KCNJ6: variants seen among roughly 807,000 people sequenced by gnomAD.
KCNJ6 encodes the protein potassium inwardly rectifying channel subfamily J member 6, also known as G protein-activated inward rectifier potassium channel 2.
KCNJ6 carries 9 observed loss-of-function variants against 34.2 expected under a neutral mutation model. That is an observed-to-expected ratio of 0.26 (90% confidence interval 0.16 to 0.46). KCNJ6 has a LOEUF of 0.46. KCNJ6 is among the 20% of genes least tolerant of loss of function. The pLI is 1.00. For missense variants in KCNJ6, 236 were observed against 531.3 expected (o/e 0.44, Z 5.46); for synonymous variants, 196 against 207.1 (o/e 0.95, Z 0.46).
chr21:37,753,254 C>T (rs1029149566), intron 2 of KCNJ6, among the ~76,000 whole-genome samples: 10 of 152,122 alleles, frequency 6.6e-5, no homozygotes, highest in Non-Finnish European at 1.3e-4. Flanking sequence ...TCAAACAACC[C>T]GAGTGAGTGG....
intron 1 of KCNJ6, among the ~76,000 whole-genome samples, chr21:37,841,408 CTT>C (rs1398297361): frequency 1.3e-5 from 2 of 152,138 alleles, no homozygotes; most frequent in Non-Finnish European, 2.9e-5. Context: ...GGTTTAATTT[CTT>C]TGTGTTCCTA....
At chr21:37,744,506 TTGGGAGGAGGA>T (rs2054957362) in intron 2 of KCNJ6, among the ~76,000 whole-genome samples, 1 of 152,118 alleles carries the variant, frequency 6.6e-6, no homozygotes, top group African/African-American at 2.4e-5. Flanking sequence ...CCATGTCCTC[TTGGGAGGAGGA>T]GAAAAGGGCA....
At chr21:37,739,488 T>C (rs1479042759) in intron 2 of KCNJ6, among the ~76,000 whole-genome samples, 2 of 152,272 alleles carry the variant, frequency 1.3e-5, no homozygotes, top group East Asian at 3.9e-4. Flanking sequence ...GGGAAAAAAT[T>C]AATAAGAGTT....
intron 1 of KCNJ6, among the ~76,000 whole-genome samples, chr21:37,865,956 C>A (rs144942865): frequency 9.7e-6 from 1 of 103,180 alleles, no homozygotes; most frequent in Non-Finnish European, 2.2e-5. Flanking sequence ...AGACCACAAA[C>A]CAAATTTCAA....
intron 2 of KCNJ6, among the ~76,000 whole-genome samples, chr21:37,775,290 T>A (rs537960024): frequency 6.2e-4 from 94 of 152,256 alleles, no homozygotes; most frequent in Non-Finnish European, 1.2e-3. Flanking sequence ...TTTTCTCCCA[T>A]TCTGTAGGTT....
rs184690801 is a variant in KCNJ6 at position 37,707,426 on chromosome 21, T to G, written c.946+6785A>C. 1.8e-3 allele frequency among the ~76,000 whole-genome samples: 270 copies of G among 152,182 alleles called. 1 individual carries two copies. The highest frequency in any genetic ancestry group is 3.2e-3 in the Non-Finnish European group (220 of 67,984). ...AGAGGGTTGAAAGGTTACCCGTGAG[T>G]AGGTACCATTATTGTTCCCATTTTA... On this transcript the variant is annotated intron_variant, in intron 3 of 3. Transcript: ENST00000609713.
chr21:37,706,324 C>CCT (rs2054719430), intron 3 of KCNJ6, among the ~76,000 whole-genome samples: 1 of 152,144 alleles, frequency 6.6e-6, no homozygotes, highest in African/African-American at 2.4e-5. Context: ...AACCATGAGG[C>CCT]GATCTGTGGT....
chr21:37,675,235 CTT>C lies in KCNJ6; in HGVS notation c.946+38974_946+38975del, dbSNP rs1014478109. ...GCCTGTGCAAAACCAAAAGTCTTTC[CTT>C]TAAGGATCTGGAGTTAATATGATGG... On this transcript the variant is annotated intron_variant, in intron 3 of 3. Transcript: ENST00000609713. The surrounding 1 kb of genome is among the most constrained non-coding windows in gnomAD (Gnocchi z 4.2). Among the ~76,000 whole-genome samples, 5 of 152,224 alleles carry C rather than the reference CTT, an allele frequency of 3.3e-5. 1 individual carries two copies. The highest frequency in any genetic ancestry group is 1.2e-4 in the African/African-American group (5 of 41,468).
rs557650039 is a variant in KCNJ6, at chr21:37,635,358, T to A, written c.947-9874A>T. Reference sequence around the variant, plus strand: ...CAAGCCTCCCAAGTAGCTTGGAGTATAGGCGCTTGCCAGCACGCCCGGCTA... The same window carrying A: ...CAAGCCTCCCAAGTAGCTTGGAGTAAAGGCGCTTGCCAGCACGCCCGGCTA... On this transcript the variant is annotated intron_variant, in intron 3 of 3. Transcript: ENST00000609713. Among the ~76,000 whole-genome samples, 431 of 151,880 alleles carry A rather than the reference T, an allele frequency of 2.8e-3. 5 individuals carry two copies. The highest frequency in any genetic ancestry group is 2.6e-3 in the Non-Finnish European group (174 of 67,936).
chr21:37,719,516 C>CTCTGTTAACCATGAAAT (rs1260810161), intron 2 of KCNJ6: 1 of 152,144 alleles, frequency 6.6e-6, no homozygotes, highest in Non-Finnish European at 1.5e-5. Context: ...GGGGTACACC[C>CTCTGTTAACCATGAAAT]TCTGTTAACC....
rs945018278 is a variant in KCNJ6 at position 37,714,125 on chromosome 21, C to G, written c.946+86G>C. On this transcript the variant is annotated intron_variant, in intron 3 of 3. Coordinates refer to ENST00000609713, the MANE Select transcript of KCNJ6 (RefSeq NM_002240.5). The surrounding 1 kb of genome is among the most constrained non-coding windows in gnomAD (Gnocchi z 5.9). ...TCAATATTGAGTGAGGTTCAGTATT[C>G]TAGATCTTGTAATAGATAAGAACAT... is the stretch of plus-strand genomic sequence containing the variant. The G allele has an allele frequency of 1.0e-5, 10 of 964,364 alleles. No homozygotes were observed. Among genetic ancestry groups the G allele is most frequent in the Non-Finnish European group, 1.6e-5 (10 of 624,432 alleles). 59.7% of individuals were successfully genotyped at this position (964,364 alleles called of 1,614,324 possible). A position where few individuals can be genotyped will look rare whatever the true frequency, so the allele number is the denominator to read the frequency against.
chr21:37,890,964 T>C (rs1568886513), intron 1 of KCNJ6, among the ~76,000 whole-genome samples: 1 of 152,144 alleles, frequency 6.6e-6, no homozygotes, highest in Admixed American at 6.5e-5. Context: ...CTGTAAAATA[T>C]TGCGCATTGA....
At chr21:37,820,040 A>G (rs1268742087) in intron 2 of KCNJ6, among the ~76,000 whole-genome samples, 2 of 152,200 alleles carry the variant, frequency 1.3e-5, no homozygotes, top group East Asian at 3.9e-4. Flanking sequence ...CACCCGCCTC[A>G]GCCTCCCAAA....
intron 2 of KCNJ6, among the ~76,000 whole-genome samples, chr21:37,715,945 C>G (rs1364479761): frequency 6.6e-6 from 1 of 152,204 alleles, no homozygotes; most frequent in Non-Finnish European, 1.5e-5. Flanking sequence ...TGACTTACAA[C>G]ACACTATCCA....
At chr21:37,706,441 C>T (rs952463449) in intron 3 of KCNJ6, among the ~76,000 whole-genome samples, 6 of 152,214 alleles carry the variant, frequency 3.9e-5, no homozygotes, top group South Asian at 2.1e-4. Flanking sequence ...CTATGACTAA[C>T]AAATTGTGAG....
At chr21:37,655,203 GT>G (rs2054452911) in intron 3 of KCNJ6, among the ~76,000 whole-genome samples, 11 of 77,262 alleles carry the variant, frequency 1.4e-4, no homozygotes, top group Non-Finnish European at 2.4e-4. Context: ...GTGTGTGTGT[GT>G]GTGTGTGTGT....
chr21:37,882,564 G>A (rs2055714689), intron 1 of KCNJ6, among the ~76,000 whole-genome samples: 1 of 152,132 alleles, frequency 6.6e-6, no homozygotes, highest in Non-Finnish European at 1.5e-5. Flanking sequence ...ATGGAAGAAG[G>A]CAGACAGGTA....
At chr21:37,886,266 C>A (rs1266982569) in intron 1 of KCNJ6, among the ~76,000 whole-genome samples, 3 of 152,130 alleles carry the variant, frequency 2.0e-5, no homozygotes, top group Non-Finnish European at 2.9e-5. Flanking sequence ...GCACCAGAGG[C>A]CTGGGTCATG....
At chr21:37,896,701 G>A (rs548162320) in intron 1 of KCNJ6, among the ~76,000 whole-genome samples, 1 of 152,276 alleles carries the variant, frequency 6.6e-6, no homozygotes, top group South Asian at 2.1e-4. Context: ...ACTCATGGAA[G>A]CCTTGTAGGA....
Sources: gnomAD v4.1 joint callset for allele counts (sites outside exome capture counted in the v4.1 genomes callset) on GRCh38, gnomAD v4.1.1 for gene constraint, Gnocchi (gnomAD v3.1) non-coding constraint, MANE v1.5 for transcripts, NCBI Gene and HGNC (gene_info 2026-07-23, HGNC 2026-07-21) for gene names.